The following COL24A1 variants were observed in gnomAD, a reference collection of about 807,000 sequenced individuals.
COL24A1 encodes the protein collagen alpha-1(XXIV) chain.
A neutral mutation model predicts 253.9 loss-of-function variants in COL24A1; 224 were observed. The ratio of observed to expected loss-of-function variants is 0.88; its 90% CI spans 0.79 to 0.99. The LOEUF (loss-of-function observed/expected upper bound fraction) is 0.99. Ranked by LOEUF, COL24A1 falls within the 50% of genes least tolerant of loss-of-function variation. COL24A1 has a pLI of 0.00. For synonymous variants in COL24A1, 685 were observed against 673.7 expected (o/e 1.02, Z -0.26); for missense variants, 2,131 against 2,068.5 (o/e 1.03, Z -0.59).
At chr1:85,765,146 C>T (rs1667229490) in intron 53 of COL24A1, among the ~76,000 whole-genome samples, 1 of 152,084 alleles carries the variant, frequency 6.6e-6, no homozygotes, top group Admixed American at 6.6e-5. Context: ...CCTAGTTTTT[C>T]CTTCTAATGC....
intron 31 of COL24A1, 118 bp from the exon 32 acceptor site, chr1:85,889,731 CTTT>C (rs367651086): frequency 5.8e-4 from 368 of 635,190 alleles, no homozygotes; most frequent in South Asian, 8.7e-4. Context: ...TATTGCTATT[CTTT>C]TTTTTTTTTT....
At chr1:85,803,256 TG>T (rs759594979) in intron 47 of COL24A1, among the ~76,000 whole-genome samples, 52 of 151,996 alleles carry the variant, frequency 3.4e-4, no homozygotes, top group Non-Finnish European at 6.8e-4. Context: ...GACACCATTG[TG>T]AAACCCCATC....
chr1:86,101,528 A>G (rs983471476), intron 5 of COL24A1, among the ~76,000 whole-genome samples: 5 of 152,116 alleles, frequency 3.3e-5, no homozygotes, highest in African/African-American at 1.2e-4. Flanking sequence ...TGCATCTGTC[A>G]TATATGGTTC....
chr1:86,129,271 A>G (rs762110081), intron 2 of COL24A1, among the ~76,000 whole-genome samples: 3 of 151,552 alleles, frequency 2.0e-5, no homozygotes, highest in Non-Finnish European at 4.4e-5. Flanking sequence ...TTGTTTTCCT[A>G]TGTCTGTGGC....
intron 48 of COL24A1, 134 bp downstream of exon 48, chr1:85,786,220 C>T: frequency 1.5e-6 from 1 of 649,768 alleles, no homozygotes. Context: ...TTTCTCTTTT[C>T]CTAACGTGCT....
intron 5 of COL24A1, among the ~76,000 whole-genome samples, chr1:86,108,321 AG>A (rs1031762488): frequency 1.3e-5 from 2 of 152,192 alleles, no homozygotes; most frequent in Non-Finnish European, 2.9e-5. Flanking sequence ...TTTGATACAA[AG>A]TTCTTCATTT....
chr1:85,736,102 T>C, intron 58 of COL24A1: 3 of 312,366 alleles, frequency 9.6e-6, no homozygotes, highest in South Asian at 8.8e-5. Flanking sequence ...AACACTAATC[T>C]GGCATGGTTG....
At chr1:86,044,914 T>C (rs1699783410) in intron 12 of COL24A1, among the ~76,000 whole-genome samples, 1 of 152,238 alleles carries the variant, frequency 6.6e-6, no homozygotes, top group African/African-American at 2.4e-5. Context: ...CTCAATTTGC[T>C]CATCAATGTC....
chr1:85,734,669 A>T, intron 59 of COL24A1, 80 bp downstream of exon 59: 1 of 1,285,704 alleles, frequency 7.8e-7, no homozygotes, highest in African/African-American at 1.5e-5. Flanking sequence ...TTAAAGTCTT[A>T]CTCTAATTAT....
At chr1:85,776,844 A>C (rs1338681344) in intron 52 of COL24A1, among the ~76,000 whole-genome samples, 1 of 152,102 alleles carries the variant, frequency 6.6e-6, no homozygotes, top group African/African-American at 2.4e-5. Flanking sequence ...AGCTAAGAAT[A>C]CTATCTTATC....
At chr1:85,795,579 T>C (rs1670716435) in intron 47 of COL24A1, among the ~76,000 whole-genome samples, 1 of 152,094 alleles carries the variant, frequency 6.6e-6, no homozygotes, top group Non-Finnish European at 1.5e-5. Flanking sequence ...AATGACAAAA[T>C]GACACTGAAC....
intron 32 of COL24A1, among the ~76,000 whole-genome samples, chr1:85,885,087 T>C (rs1001220822): frequency 6.6e-6 from 1 of 152,242 alleles, no homozygotes; most frequent in Non-Finnish European, 1.5e-5. Flanking sequence ...ACCTTAATTC[T>C]CTGACAGATC....
intron 24 of COL24A1, among the ~76,000 whole-genome samples, chr1:85,927,014 G>A (rs1388992206): frequency 1.3e-5 from 2 of 152,192 alleles, no homozygotes; most frequent in African/African-American, 4.8e-5. Context: ...AACAATTTCA[G>A]TAGCTTTTGT....
At position 86,141,861 on chromosome 1, in the gene COL24A1, C is replaced by T. The variant is rs186886913; in HGVS notation, c.121+4258G>A. On this transcript the variant is annotated intron_variant, in intron 2 of 59. Coordinates refer to ENST00000370571, the MANE Select transcript of COL24A1 (RefSeq NM_152890.7). ...GATTACAGGCATATGCCACCACATCCGGCTAATGTTTTTGTATTTTCCAGT... is the reference window on the plus strand; with the variant it reads ...GATTACAGGCATATGCCACCACATCTGGCTAATGTTTTTGTATTTTCCAGT... Among the ~76,000 whole-genome samples, 116 of 152,070 alleles carry T rather than the reference C, an allele frequency of 7.6e-4. 2 individuals are homozygous for T. The highest frequency in any genetic ancestry group is 2.7e-3 in the African/African-American group (110 of 41,496).
At chr1:85,864,839 C>T (rs1679601524) in intron 37 of COL24A1, among the ~76,000 whole-genome samples, 1 of 152,166 alleles carries the variant, frequency 6.6e-6, no homozygotes, top group African/African-American at 2.4e-5. Context: ...ATACATCCAA[C>T]TTTGGAGTTT....
intron 7 of COL24A1, among the ~76,000 whole-genome samples, chr1:86,072,698 T>C (rs530743840): frequency 3.3e-5 from 5 of 152,090 alleles, no homozygotes; most frequent in Admixed American, 3.3e-4. Flanking sequence ...GGGAGACACC[T>C]CCCAGCAGGG....
intron 55 of COL24A1, among the ~76,000 whole-genome samples, chr1:85,760,060 T>G (rs1233212395): frequency 1.9e-3 from 1 of 518 alleles, no homozygotes; most frequent in Non-Finnish European, 0.011. Flanking sequence ...AAGACATTGT[T>G]TTTTTTTTTT....
intron 3 of COL24A1, among the ~76,000 whole-genome samples, chr1:86,117,813 C>T (rs576665592): frequency 1.2e-4 from 18 of 152,276 alleles, no homozygotes; most frequent in African/African-American, 4.3e-4. Flanking sequence ...AGAGAAAGTA[C>T]AATTCCATTT....
chr1:85,934,874 C>G (rs1268489174), intron 24 of COL24A1, among the ~76,000 whole-genome samples: 1 of 151,958 alleles, frequency 6.6e-6, no homozygotes, highest in Non-Finnish European at 1.5e-5. Context: ...TGAGCCATAG[C>G]CAGAATTATT....
Sources: gnomAD v4.1 joint callset for allele counts (sites outside exome capture counted in the v4.1 genomes callset) on GRCh38, gnomAD v4.1.1 for gene constraint, MANE v1.5 for transcripts, NCBI Gene and HGNC (gene_info 2026-07-23, HGNC 2026-07-21) for gene names.